Variants in ASIC2 observed in about 807,000 individuals in gnomAD.
ASIC2 encodes the protein acid-sensing ion channel 2.
A neutral mutation model predicts 57.3 loss-of-function variants in ASIC2; 25 were observed. The ratio of observed to expected loss-of-function variants is 0.44; its 90% CI spans 0.32 to 0.61. ASIC2 has a LOEUF of 0.61. Among genes scored for constraint, ASIC2 ranks in the 20% least tolerant of loss-of-function variants. ASIC2 has a pLI of 0.06. For synonymous variants in ASIC2, 319 were observed against 307.5 expected (o/e 1.04, Z -0.39); for missense variants, 641 against 738.1 (o/e 0.87, Z 1.52).
intron 1 of ASIC2, among the ~76,000 whole-genome samples, chr17:33,177,340 T>C (rs1283502725): frequency 6.6e-6 from 1 of 152,208 alleles, no homozygotes; most frequent in South Asian, 2.1e-4. Context: ...TGAGTAAAGA[T>C]AGCAGTTACA....
chr17:33,538,046 A>G lies in ASIC2; in HGVS notation c.556-425979T>C, dbSNP rs1654494723. Among the ~76,000 whole-genome samples the G allele has an allele frequency of 2.0e-5, 3 of 152,216 alleles. No homozygotes were observed. The South Asian group carries it at 6.2e-4, about 32-fold the overall frequency. On this transcript the variant is annotated intron_variant, in intron 1 of 9. Transcript: ENST00000359872. ...ATGATATCCTCCTATGGCTGGTGGG[A>G]GCACTAAAGGAATAGAAGATTAAAA...
intron 3 of ASIC2, among the ~76,000 whole-genome samples, chr17:33,076,518 A>G (rs1567735814): frequency 6.6e-6 from 1 of 152,202 alleles, no homozygotes; most frequent in South Asian, 2.1e-4. Context: ...AAAAATGAAG[A>G]ATCTTCCTGC....
In ASIC2 at chr17:33,464,704, TG is replaced by T. The variant is rs1912803543; in HGVS notation, c.556-352638del. ...CTCTCTCTCTATATATATATATATA[TG>T]TATATATATGTATATAACATTATCA... On this transcript the variant is annotated intron_variant, in intron 1 of 9. Coordinates refer to the ASIC2 transcript ENST00000359872. 1.2e-4 allele frequency among the ~76,000 whole-genome samples: 18 copies of T among 147,454 alleles called. No individual in the cohort carries two copies. The South Asian group carries it at 2.6e-3, about 22-fold the overall frequency.
chr17:33,476,361 C>T (rs7220536), intron 1 of ASIC2, among the ~76,000 whole-genome samples: 152,270 of 152,270 alleles, frequency 1, 76,135 homozygotes, highest in Non-Finnish European at 1. Context: ...TCTTATTCCA[C>T]TGTATGACTG....
intron 1 of ASIC2, among the ~76,000 whole-genome samples, chr17:33,952,494 T>G (rs1177996052): frequency 2.0e-5 from 3 of 152,198 alleles, no homozygotes; most frequent in Non-Finnish European, 4.4e-5. Flanking sequence ...ATATGTAAAT[T>G]ATTTATTATG....
intron 6 of ASIC2, among the ~76,000 whole-genome samples, chr17:33,023,331 TA>T (rs2091845451): frequency 6.6e-6 from 1 of 151,706 alleles, no homozygotes; most frequent in Non-Finnish European, 1.5e-5. Flanking sequence ...CTACTAAAAA[TA>T]CAAAAAAATT....
chr17:33,781,363 A>C (rs1911447963), intron 1 of ASIC2, among the ~76,000 whole-genome samples: 1 of 152,096 alleles, frequency 6.6e-6, no homozygotes, highest in Admixed American at 6.5e-5. Flanking sequence ...ATTTCTTGGA[A>C]TTGCTTTCTG....
chr17:33,490,354 A>G (rs1597748740), intron 1 of ASIC2, among the ~76,000 whole-genome samples: 1 of 152,262 alleles, frequency 6.6e-6, no homozygotes, highest in Non-Finnish European at 1.5e-5. Flanking sequence ...TGTGATTTTT[A>G]ACTCATCACT....
At chr17:33,020,072 G>A (rs975967273) in intron 7 of ASIC2, among the ~76,000 whole-genome samples, 1 of 152,118 alleles carries the variant, frequency 6.6e-6, no homozygotes, top group Non-Finnish European at 1.5e-5. Context: ...TTCTGAGGCT[G>A]AGTGACAGCC....
At chr17:33,990,167 A>G (rs1905956167) in intron 1 of ASIC2, among the ~76,000 whole-genome samples, 1 of 152,240 alleles carries the variant, frequency 6.6e-6, no homozygotes, top group African/African-American at 2.4e-5. Flanking sequence ...GCAGCAGTAT[A>G]TAAGTCCAAA....
At chr17:33,750,913 A>C (rs777688569) in intron 1 of ASIC2, among the ~76,000 whole-genome samples, 12 of 152,152 alleles carry the variant, frequency 7.9e-5, no homozygotes, top group Non-Finnish European at 1.8e-4. Flanking sequence ...CATTGGAGAG[A>C]TCCCCAGGCA....
chr17:33,898,220 C>T (rs868163089), intron 1 of ASIC2, among the ~76,000 whole-genome samples: 114 of 66,174 alleles, frequency 1.7e-3, no homozygotes, highest in African/African-American at 1.8e-3. Flanking sequence ...CATGTATAAT[C>T]TTTTTTTTTT....
intron 1 of ASIC2, among the ~76,000 whole-genome samples, chr17:33,493,732 C>G (rs1397496035): frequency 6.6e-6 from 1 of 152,132 alleles, no homozygotes; most frequent in East Asian, 1.9e-4. Context: ...CATCCTTCCC[C>G]CAAGATAGCA....
intron 1 of ASIC2, among the ~76,000 whole-genome samples, chr17:34,113,847 C>A (rs1911351819): frequency 6.6e-6 from 1 of 152,084 alleles, no homozygotes. Context: ...TGCCCTTCAG[C>A]CTAGGCAACA....
chr17:33,963,642 T>C, intron 1 of ASIC2, among the ~76,000 whole-genome samples: 1 of 151,686 alleles, frequency 6.6e-6, no homozygotes, highest in Non-Finnish European at 1.5e-5. Context: ...CCATATAATA[T>C]ATAATAATAT....
intron 1 of ASIC2, among the ~76,000 whole-genome samples, chr17:33,539,677 T>C (rs923341732): frequency 6.6e-6 from 1 of 152,192 alleles, no homozygotes; most frequent in South Asian, 2.1e-4. Flanking sequence ...AATTGCTCTC[T>C]CATTTGATTC....
chr17:33,326,761 C>T (rs1907094147), intron 1 of ASIC2, among the ~76,000 whole-genome samples: 2 of 152,226 alleles, frequency 1.3e-5, no homozygotes, highest in African/African-American at 4.8e-5. Context: ...TTTTCTCTGT[C>T]TCACTGCCTT....
intron 1 of ASIC2, among the ~76,000 whole-genome samples, chr17:33,143,284 G>A (rs1904405633): frequency 6.6e-6 from 1 of 152,156 alleles, no homozygotes; most frequent in Non-Finnish European, 1.5e-5. Context: ...CTTGAGGTGT[G>A]CTAAAGTCTT....
intron 1 of ASIC2, among the ~76,000 whole-genome samples, chr17:33,371,933 A>G (rs1909081265): frequency 6.6e-6 from 1 of 152,104 alleles, no homozygotes; most frequent in Non-Finnish European, 1.5e-5. Context: ...CGGTGAGGAC[A>G]GGGGTATGTA....
Sources: allele counts gnomAD v4.1 joint callset (sites outside exome capture counted in the v4.1 genomes callset), GRCh38; gene constraint gnomAD v4.1.1; transcripts MANE v1.5; gene names NCBI Gene and HGNC (gene_info 2026-07-23, HGNC 2026-07-21).